Variants in FAM228B observed in about 807,000 individuals in gnomAD.
FAM228B encodes family with sequence similarity 228 member B, also known as protein FAM228B.
Under a neutral mutation model 42.6 loss-of-function variants are expected in FAM228B, and 38 were observed. That is an observed-to-expected ratio of 0.89 (90% CI 0.69 to 1.17). FAM228B has a LOEUF of 1.17. Among genes scored for constraint, FAM228B ranks in the 50% most tolerant of loss-of-function variants. FAM228B has a pLI of 0.00. For missense variants in FAM228B, 344 were observed against 367.3 expected, an observed-to-expected ratio of 0.94 and a Z score of 0.52; for synonymous variants, 109 against 122.3, an observed-to-expected ratio of 0.89 and a Z score of 0.72.
rs755835447 is a variant in FAM228B at position 24,084,340 on chromosome 2, A to ACAGGG, written c.-210+3400_-210+3404dup. ...CACGGCTAACATATTGTCTGAGGAC[A>ACAGGG]CAGGGCAGGGCAGGGCAGGACAGGA... On this transcript the variant is annotated intron_variant, in intron 2 of 10. Transcript: ENST00000613899. This position sits in a 1 kb window ranked among gnomAD's most constrained non-coding sequence, Gnocchi z 8.4. The ACAGGG allele has an allele frequency of 8.9e-5, 132 of 1,476,426 alleles. No homozygotes were observed. The African/African-American group carries it at 1.4e-3, about 15-fold the overall frequency. 91.5% of individuals were successfully genotyped at this position (1,476,426 alleles called of 1,614,324 possible). A position where few individuals can be genotyped will look rare whatever the true frequency, so the allele number is the denominator to read the frequency against.
intron 8 of FAM228B, among the ~76,000 whole-genome samples, chr2:24,161,909 G>T (rs187384312): frequency 8.5e-5 from 13 of 152,300 alleles, no homozygotes; most frequent in African/African-American, 2.9e-4. Flanking sequence ...GACCAGCCTG[G>T]TCAACATGGT....
chr2:24,149,830 C>G (rs917543643), intron 7 of FAM228B, among the ~76,000 whole-genome samples: 2 of 152,158 alleles, frequency 1.3e-5, no homozygotes, highest in Admixed American at 1.3e-4. Flanking sequence ...CTGCACCTGG[C>G]CTGCTTTCTT....
intron 2 of FAM228B, among the ~76,000 whole-genome samples, chr2:24,090,817 G>T (rs7577426): frequency 0.12 from 18,075 of 151,996 alleles, 1,256 homozygotes; most frequent in South Asian, 0.18. Context: ...AAAAGACAAG[G>T]TCTCATTCTG....
chr2:24,162,579 C>T (rs576444906), intron 8 of FAM228B, among the ~76,000 whole-genome samples: 1 of 152,208 alleles, frequency 6.6e-6, no homozygotes, highest in Admixed American at 6.5e-5. Flanking sequence ...TAGGTTTCTA[C>T]TCAGGAGTAA....
chr2:24,079,304 C>G, intron 1 of FAM228B: 1 of 869,532 alleles, frequency 1.2e-6, no homozygotes, highest in Non-Finnish European at 1.7e-6. Context: ...ATCGGGTTCC[C>G]TCTTTATCTT....
chr2:24,158,214 C>CTT (rs1206913020), intron 7 of FAM228B, among the ~76,000 whole-genome samples: 12 of 95,704 alleles, frequency 1.3e-4, no homozygotes, highest in Non-Finnish European at 5.6e-5. Flanking sequence ...TTTTTTTTTT[C>CTT]CAAAACATTG....
At chr2:24,152,612 C>T (rs1438983404) in intron 7 of FAM228B, among the ~76,000 whole-genome samples, 1 of 152,324 alleles carries the variant, frequency 6.6e-6, no homozygotes, top group South Asian at 2.1e-4. Flanking sequence ...TATTTACCCC[C>T]ACCTTCTCCC....
Position 24,080,778 on chromosome 2 carries a change from A to G in FAM228B, c.-289-98A>G, listed in dbSNP as rs918742162. The G allele has an allele frequency of 6.2e-7, 1 of 1,608,076 alleles. No individual in the cohort carries two copies. The highest frequency in any genetic ancestry group is 8.5e-7 in the Non-Finnish European group (1 of 1,175,234). On this transcript the variant is annotated intron_variant, in intron 1 of 10. Coordinates refer to the FAM228B transcript ENST00000613899. This position sits in a 1 kb window ranked among gnomAD's most constrained non-coding sequence, Gnocchi z 4.7. The stretch of plus-strand genomic sequence containing the variant: ...AGACTGGTGGGGCTTTTATTTAATC[A>G]TCTCTTAAATTCCTGCTGAACTGTA...
Position 24,084,153 on chromosome 2 carries a change from G to T in FAM228B, c.-210+3198G>T, listed in dbSNP as rs970474997. 6.3e-7 allele frequency: 1 copy of T among 1,585,408 alleles called. No homozygotes were observed. ...GTGCTGTTGAGAGGGAGGCTCTGGAGTCCCGCCCGCCCCGGCGCGGCTGAG... is the reference window on the plus strand; with the variant it reads ...GTGCTGTTGAGAGGGAGGCTCTGGATTCCCGCCCGCCCCGGCGCGGCTGAG... On this transcript the variant is annotated intron_variant, in intron 2 of 10. Transcript: ENST00000613899. This position sits in a 1 kb window ranked among gnomAD's most constrained non-coding sequence, Gnocchi z 8.4.
chr2:24,097,408 TAAA>T (rs1665519737), intron 3 of FAM228B: 1 of 79,894 alleles, frequency 1.3e-5, no homozygotes, highest in African/African-American at 5.4e-5. Context: ...ACACATAGAC[TAAA>T]ATAAAGGGAT....
At chr2:24,086,536 C>G (rs889564940) in intron 2 of FAM228B, among the ~76,000 whole-genome samples, 4 of 149,836 alleles carry the variant, frequency 2.7e-5, no homozygotes, top group African/African-American at 9.8e-5. Context: ...CTTTCTCTCT[C>G]TCTCTTTTTT....
At chr2:24,086,528 T>TTC (rs1220794558) in intron 2 of FAM228B, among the ~76,000 whole-genome samples, 1 of 149,694 alleles carries the variant, frequency 6.7e-6, no homozygotes, top group Non-Finnish European at 1.5e-5. Flanking sequence ...CACCCCCTCT[T>TTC]TCTCTCTCTC....
At chr2:24,098,195 T>C (rs962767418) in intron 3 of FAM228B, among the ~76,000 whole-genome samples, 5 of 152,024 alleles carry the variant, frequency 3.3e-5, no homozygotes, top group African/African-American at 1.2e-4. Context: ...AGATCTAAAA[T>C]TGACACCCTA....
chr2:24,124,925 C>A (rs903901793), intron 2 of FAM228B, among the ~76,000 whole-genome samples: 11 of 152,198 alleles, frequency 7.2e-5, no homozygotes, highest in Admixed American at 1.3e-4. Context: ...TGGTCCCCAA[C>A]TCCTGAGCTC....
chr2:24,150,950 CT>C (rs1344207582), intron 7 of FAM228B, among the ~76,000 whole-genome samples: 1 of 152,060 alleles, frequency 6.6e-6, no homozygotes, highest in Non-Finnish European at 1.5e-5. Flanking sequence ...TTACTTTCTT[CT>C]ACTTGAATGT....
intron 9 of FAM228B, among the ~76,000 whole-genome samples, chr2:24,164,680 C>G (rs1558396686): frequency 6.6e-6 from 1 of 152,254 alleles, no homozygotes; most frequent in South Asian, 2.1e-4. Flanking sequence ...TCCACCCTGT[C>G]TCTACCATTT....
chr2:24,134,068 A>G (rs955626927), intron 2 of FAM228B, among the ~76,000 whole-genome samples: 6 of 152,222 alleles, frequency 3.9e-5, no homozygotes, highest in Admixed American at 1.3e-4. Flanking sequence ...GAAAAATTAA[A>G]TGAATATGTT....
At chr2:24,087,304 C>G (rs1365854560) in intron 2 of FAM228B, 1 of 151,908 alleles carries the variant, frequency 6.6e-6, no homozygotes, top group Non-Finnish European at 1.5e-5. Context: ...TGATCATGAA[C>G]TCCTGGACTC....
At chr2:24,123,408 G>C (rs184796705), upstream of FAM228B, 2 of 152,322 alleles carry the variant, frequency 1.3e-5, no homozygotes, top group Admixed American at 1.3e-4. Context: ...GCCACCTAGA[G>C]CCGCCGCCCA....
Sources: allele counts gnomAD v4.1 joint callset (sites outside exome capture counted in the v4.1 genomes callset), GRCh38; gene constraint gnomAD v4.1.1; non-coding constraint Gnocchi (gnomAD v3.1); transcripts MANE v1.5; gene names NCBI Gene and HGNC (gene_info 2026-07-23, HGNC 2026-07-21).